Variants in TMEM161A observed in about 807,000 individuals in gnomAD.
TMEM161A encodes transmembrane protein 161A.
Under a neutral mutation model 57.1 loss-of-function variants are expected in TMEM161A, and 46 were observed. That is an observed-to-expected ratio of 0.81 (90% CI 0.64 to 1.03). The LOEUF (loss-of-function observed/expected upper bound fraction) is 1.03. Among genes scored for constraint, TMEM161A ranks in the 50% least tolerant of loss-of-function variants. The pLI is 0.00. For synonymous variants in TMEM161A, 288 were observed against 279.0 expected (o/e 1.03, Z -0.32); for missense variants, 601 against 621.5 (o/e 0.97, Z 0.35).
chr19:19,137,959 G>C (rs1001782222), intron 1 of TMEM161A, among the ~76,000 whole-genome samples: 6 of 152,086 alleles, frequency 3.9e-5, no homozygotes, highest in Non-Finnish European at 7.4e-5. Flanking sequence ...ACCTCCCACG[G>C]CCTCCCCTGC....
intron 1 of TMEM161A, among the ~76,000 whole-genome samples, chr19:19,138,211 C>T (rs1418635062): frequency 6.6e-6 from 1 of 152,222 alleles, no homozygotes; most frequent in Non-Finnish European, 1.5e-5. Flanking sequence ...GGCTTCTAGT[C>T]CCCCTGGGTA....
At chr19:19,125,716 C>T (rs1466724985) in intron 6 of TMEM161A, among the ~76,000 whole-genome samples, 14 of 152,044 alleles carry the variant, frequency 9.2e-5, no homozygotes, top group South Asian at 4.2e-4. Context: ...CGGGGTTTCA[C>T]GGTGTTAGCC....
In TMEM161A at chr19:19,121,852, G is replaced by T; in HGVS notation, c.596-33C>A. 1 of 1,611,514 alleles carries T rather than the reference G, an allele frequency of 6.2e-7. No homozygotes were observed. The highest frequency in any genetic ancestry group is 1.1e-5 in the South Asian group (1 of 90,958). ...CGATAAGAAGAGGACCGAGTAGAGT[G>T]AATTCCTAGGGTCTCTAAGGCCACT... On this transcript the variant is annotated intron_variant, in intron 6 of 11. Coordinates refer to ENST00000162044, the MANE Select transcript of TMEM161A (RefSeq NM_017814.3). This position sits in a 1 kb window ranked among gnomAD's most constrained non-coding sequence, Gnocchi z 5.8.
rs1333141387 is a variant in TMEM161A, at chr19:19,121,797, G to A, written c.618C>T (p.Asn206=). Residue 206 remains asparagine (N), a synonymous_variant, in exon 7 of 12, where the codon AAC becomes AAT. Transcript: ENST00000162044. The surrounding 1 kb of genome is among the most constrained non-coding windows in gnomAD (Gnocchi z 5.8). ...CCTGCTTCTTCAGAAGTGGCTCTAA[G>A]TTCTGGGTCATGCTGGCCAGACCTG... ...LEPGLASMTQ[N]LEPLLKKQGW... The A allele has an allele frequency of 6.2e-7, 1 of 1,613,968 alleles. No homozygotes were observed.
chr19:19,138,349 C>T, intron 1 of TMEM161A, 77 bp downstream of exon 1: 2 of 1,557,032 alleles, frequency 1.3e-6, no homozygotes, highest in Non-Finnish European at 8.7e-7. Flanking sequence ...CCAATCCATT[C>T]CCTCAGTGTC....
intron 1 of TMEM161A, among the ~76,000 whole-genome samples, chr19:19,137,945 G>C (rs563166210): frequency 7.0e-4 from 107 of 152,272 alleles, no homozygotes; most frequent in African/African-American, 2.5e-3. Context: ...GACCTCCTGA[G>C]TCCACCTCCC....
At chr19:19,124,460 A>C (rs2059922656) in intron 6 of TMEM161A, among the ~76,000 whole-genome samples, 2 of 152,356 alleles carry the variant, frequency 1.3e-5, no homozygotes, top group South Asian at 4.1e-4. Flanking sequence ...AATCTTACCA[A>C]ATTTTAAAGA....
intron 6 of TMEM161A, among the ~76,000 whole-genome samples, chr19:19,124,234 C>G (rs1015740022): frequency 2.0e-5 from 3 of 152,146 alleles, no homozygotes; most frequent in Non-Finnish European, 4.4e-5. Flanking sequence ...ATTGAGAGCT[C>G]TCTTGTCCCA....
chr19:19,128,680 A>G (rs1291001492), intron 6 of TMEM161A, among the ~76,000 whole-genome samples: 1 of 151,636 alleles, frequency 6.6e-6, no homozygotes, highest in Non-Finnish European at 1.5e-5. Flanking sequence ...CTGGGATTAC[A>G]GGCATGTGTC....
intron 6 of TMEM161A, among the ~76,000 whole-genome samples, chr19:19,125,115 C>T (rs79723793): frequency 0.01 from 1,524 of 152,090 alleles, 20 homozygotes; most frequent in African/African-American, 0.035. Context: ...AAAGGAGGTA[C>T]GCCAGTACTG....
At position 19,127,923 on chromosome 19, in the gene TMEM161A, G is replaced by C. The variant is rs149788957; in HGVS notation, c.595+2233C>G. Among the ~76,000 whole-genome samples the C allele has an allele frequency of 7.9e-3, 1,209 of 152,242 alleles. 20 individuals are homozygous for C. The highest frequency in any genetic ancestry group is 0.027 in the African/African-American group (1,112 of 41,544). On this transcript the variant is annotated intron_variant, in intron 6 of 11. Transcript: ENST00000162044. The stretch of plus-strand genomic sequence containing the variant: ...CCACTGCACTCCAGCCTCGGTGACA[G>C]AGTGAGATCCTGTCTCAAAAAAAGA...
chr19:19,121,929 A>G lies in TMEM161A; in HGVS notation c.596-110T>C. On this transcript the variant is annotated intron_variant, in intron 6 of 11. Coordinates refer to ENST00000162044, the MANE Select transcript of TMEM161A (RefSeq NM_017814.3). This position sits in a 1 kb window ranked among gnomAD's most constrained non-coding sequence, Gnocchi z 5.8. ...GCATCCGTTTGCTTCCCAAGTAGGA[A>G]TGAACAAGGGTCTGCCAGGCCCTGA... 2 of 1,269,042 alleles carry G rather than the reference A, an allele frequency of 1.6e-6. No homozygotes were observed. The highest frequency in any genetic ancestry group is 2.2e-6 in the Non-Finnish European group (2 of 907,168). The allele number at this position is 1,269,042 out of a possible 1,614,324, so 78.6% of individuals were successfully genotyped here. A position where few individuals can be genotyped will look rare whatever the true frequency, so the allele number is the denominator to read the frequency against.
chr19:19,132,257 G>A lies in TMEM161A; in HGVS notation c.443+95C>T. On this transcript the variant is annotated intron_variant, in intron 5 of 11. Coordinates refer to ENST00000162044, the MANE Select transcript of TMEM161A (RefSeq NM_017814.3). This position sits in a 1 kb window ranked among gnomAD's most constrained non-coding sequence, Gnocchi z 4.3. ...TAAGCTTGGGGAAGTTTGTGGCACA[G>A]CAGGTGAAAACTGCCACACCAGTTT... 1.4e-6 allele frequency: 2 copies of A among 1,404,052 alleles called. No individual in the cohort carries two copies. Among genetic ancestry groups the A allele is most frequent in the South Asian group, 1.4e-5 (1 of 73,328 alleles). The allele number at this position is 1,404,052 out of a possible 1,614,324, so 87.0% of individuals were successfully genotyped here.
Position 19,121,916 on chromosome 19 carries a change from T to C in TMEM161A, c.596-97A>G. ...CCCCATCCCTCAGGCATCCGTTTGC[T>C]TCCCAAGTAGGAATGAACAAGGGTC... is the stretch of plus-strand genomic sequence containing the variant. On this transcript the variant is annotated intron_variant, in intron 6 of 11. Transcript: ENST00000162044. This position sits in a 1 kb window ranked among gnomAD's most constrained non-coding sequence, Gnocchi z 5.8. 7.1e-7 allele frequency: 1 copy of C among 1,398,768 alleles called. No homozygotes were observed. The highest frequency in any genetic ancestry group is 1.4e-5 in the African/African-American group (1 of 70,466). 86.6% of individuals were successfully genotyped at this position (1,398,768 alleles called of 1,614,324 possible).
At chr19:19,126,516 A>G (rs1355856789) in intron 6 of TMEM161A, among the ~76,000 whole-genome samples, 2 of 152,126 alleles carry the variant, frequency 1.3e-5, no homozygotes, top group African/African-American at 4.8e-5. Flanking sequence ...CTTGAGTTCA[A>G]GAGTTCAAGA....
At chr19:19,125,514 C>CTTTTT (rs1187202482) in intron 6 of TMEM161A, among the ~76,000 whole-genome samples, 2 of 115,988 alleles carry the variant, frequency 1.7e-5, no homozygotes, top group African/African-American at 6.7e-5. Context: ...CCTTGCCCAG[C>CTTTTT]TTTTTTTTTT....
chr19:19,126,825 A>G (rs112970161), intron 6 of TMEM161A, among the ~76,000 whole-genome samples: 3 of 152,252 alleles, frequency 2.0e-5, no homozygotes, highest in African/African-American at 7.2e-5. Context: ...AGCCAAGATC[A>G]TGCCACTGTA....
chr19:19,138,295 G>T (rs2059993067), intron 1 of TMEM161A, 131 bp downstream of exon 1: 2 of 1,334,450 alleles, frequency 1.5e-6, no homozygotes, highest in Non-Finnish European at 2.1e-6. Flanking sequence ...GGCCTTCAGC[G>T]TGCCCCCGAA....
At chr19:19,120,703 C>A in intron 11 of TMEM161A, 62 bp downstream of exon 11, 1 of 1,493,334 alleles carries the variant, frequency 6.7e-7, no homozygotes, top group Admixed American at 1.7e-5. Flanking sequence ...CCAGAGTCCA[C>A]CTCCACTCTG....
Sources: allele counts gnomAD v4.1 joint callset (sites outside exome capture counted in the v4.1 genomes callset), GRCh38; gene constraint gnomAD v4.1.1; non-coding constraint Gnocchi (gnomAD v3.1); transcripts MANE v1.5; gene names NCBI Gene and HGNC (gene_info 2026-07-23, HGNC 2026-07-21).